The following ACOT11 variants were observed in gnomAD, a reference collection of about 807,000 sequenced individuals.
The protein encoded by ACOT11 is acyl-coenzyme A thioesterase 11.
ACOT11 carries 69 observed loss-of-function variants against 77.5 expected under a neutral mutation model. The ratio of observed to expected loss-of-function variants is 0.89; its 90% CI spans 0.73 to 1.09. ACOT11 has a LOEUF of 1.09. Among genes scored for constraint, ACOT11 ranks in the 50% least tolerant of loss-of-function variants. ACOT11 has a pLI of 0.00. For synonymous variants in ACOT11, 279 were observed against 313.0 expected (o/e 0.89, Z 1.15); for missense variants, 766 against 813.7 (o/e 0.94, Z 0.71).
chr1:54,618,786 G>T (rs751176195), intron 15 of ACOT11, among the ~76,000 whole-genome samples: 5 of 152,288 alleles, frequency 3.3e-5, no homozygotes, highest in Non-Finnish European at 7.3e-5. Flanking sequence ...GACACTGCTA[G>T]CTTCCAGTCC....
intron 1 of ACOT11, among the ~76,000 whole-genome samples, chr1:54,578,073 AGTCCTGT>A (rs1654176623): frequency 6.6e-6 from 1 of 152,168 alleles, no homozygotes; most frequent in Non-Finnish European, 1.5e-5. Flanking sequence ...GACACTTAGA[AGTCCTGT>A]GTCAATAGTG....
intron 16 of ACOT11, among the ~76,000 whole-genome samples, chr1:54,631,093 T>TC (rs975963593): frequency 3.3e-5 from 5 of 152,196 alleles, no homozygotes; most frequent in African/African-American, 4.8e-5. Context: ...CCCTTCTGCA[T>TC]CCCCTCATTA....
chr1:54,562,586 C>T (rs1259293412), intron 1 of ACOT11, among the ~76,000 whole-genome samples: 9 of 147,280 alleles, frequency 6.1e-5, no homozygotes, highest in African/African-American at 1.2e-4. Flanking sequence ...GGCTGCCGGG[C>T]GGAGAGGCTC....
intron 15 of ACOT11, among the ~76,000 whole-genome samples, chr1:54,625,689 G>A (rs1644267520): frequency 6.6e-6 from 1 of 152,176 alleles, no homozygotes; most frequent in African/African-American, 2.4e-5. Flanking sequence ...TGTAATCCCA[G>A]CACTTTGGGA....
At chr1:54,572,485 A>G (rs1406787095) in intron 1 of ACOT11, among the ~76,000 whole-genome samples, 1 of 151,690 alleles carries the variant, frequency 6.6e-6, no homozygotes, top group Non-Finnish European at 1.5e-5. Context: ...AGAATGGCCC[A>G]CCCCACCGTC....
intron 1 of ACOT11, among the ~76,000 whole-genome samples, chr1:54,554,351 A>T (rs11206384): frequency 0.11 from 10,539 of 96,804 alleles, 704 homozygotes; most frequent in East Asian, 0.19. Flanking sequence ...ATATATATAT[A>T]TTTTTTTTTT....
rs747114381 is a variant in ACOT11 at position 54,609,358 on chromosome 1, C to T, written c.*246C>T. On this transcript the variant is annotated 3_prime_UTR_variant, in exon 16 of 16. Coordinates refer to ENST00000343744, the MANE Select transcript of ACOT11 (RefSeq NM_147161.4). ...GGGTCCTGTCCACAGCCCTAGCTGC[C>T]AGCAATGCTGTCCTCACAGAGGCAT... The T allele has an allele frequency of 1.2e-6, 2 of 1,614,074 alleles. No homozygotes were observed. Among genetic ancestry groups the T allele is most frequent in the African/African-American group, 2.7e-5 (2 of 74,940 alleles).
intron 3 of ACOT11, among the ~76,000 whole-genome samples, chr1:54,589,700 T>C (rs1458499065): frequency 6.6e-6 from 1 of 152,184 alleles, no homozygotes; most frequent in Admixed American, 6.5e-5. Context: ...TTGACCAGGC[T>C]GGTCTCAAAT....
At chr1:54,610,950 A>G (rs1240823957), downstream of ACOT11, 2 of 985,296 alleles carry the variant, frequency 2.0e-6, no homozygotes, top group East Asian at 2.3e-4. Context: ...TGCTTAATGA[A>G]TACAGTGGAG....
At chr1:54,614,891 T>TGGC, downstream of ACOT11, 1 of 1,606,346 alleles carries the variant, frequency 6.2e-7, no homozygotes, top group Non-Finnish European at 8.5e-7. Flanking sequence ...CTTGGGGAAA[T>TGGC]GGCGAAGGAA....
intron 15 of ACOT11, chr1:54,623,173 G>A (rs1359589852): frequency 7.7e-5 from 58 of 749,120 alleles, no homozygotes; most frequent in Admixed American, 3.6e-4. Flanking sequence ...GCAAAACTCC[G>A]TCTAAAAAAA....
At chr1:54,568,358 C>CT (rs71045196) in intron 1 of ACOT11, among the ~76,000 whole-genome samples, 1,494 of 80,412 alleles carry the variant, frequency 0.019, 24 homozygotes, top group East Asian at 0.033. Context: ...TTCCCAGCAC[C>CT]TTTTTTTTTT....
chr1:54,566,114 T>G (rs913391857), intron 1 of ACOT11, among the ~76,000 whole-genome samples: 3 of 152,134 alleles, frequency 2.0e-5, no homozygotes, highest in Non-Finnish European at 4.4e-5. Context: ...ACTGACTGCT[T>G]GCTCGCAGAC....
chr1:54,553,845 GTAT>G (rs1348287534), intron 1 of ACOT11, among the ~76,000 whole-genome samples: 1 of 152,090 alleles, frequency 6.6e-6, no homozygotes, highest in Non-Finnish European at 1.5e-5. Context: ...AGGTCATGTA[GTAT>G]TTGTCTTTCT....
intron 15 of ACOT11, among the ~76,000 whole-genome samples, chr1:54,629,845 T>A (rs2101032847): frequency 7.4e-6 from 1 of 134,454 alleles, no homozygotes; most frequent in East Asian, 2.3e-4. Flanking sequence ...CTTCCCCAAA[T>A]GCTGGAATTA....
At chr1:54,580,310 G>C (rs300272) in intron 1 of ACOT11, among the ~76,000 whole-genome samples, 7 of 151,958 alleles carry the variant, frequency 4.6e-5, no homozygotes, top group African/African-American at 1.7e-4. Flanking sequence ...CACCAGGCCT[G>C]TTGCTCCAGT....
Position 54,607,314 on chromosome 1 carries a change from T to C in ACOT11, c.1502+49T>C, listed in dbSNP as rs1252975367. ...TGGGGGACACAACTGGACAGGGTGG[T>C]AGGGTGGCCGCTTCTCCCTCCCAGG... On this transcript the variant is annotated intron_variant, in intron 14 of 15. Transcript: ENST00000343744. This position sits in a 1 kb window ranked among gnomAD's most constrained non-coding sequence, Gnocchi z 4.5. 1 of 1,599,920 alleles carries C rather than the reference T, an allele frequency of 6.3e-7. No individual in the cohort carries two copies. Among genetic ancestry groups the C allele is most frequent in the Non-Finnish European group, 8.6e-7 (1 of 1,168,932 alleles).
chr1:54,572,514 G>T, intron 1 of ACOT11, among the ~76,000 whole-genome samples: 1 of 152,150 alleles, frequency 6.6e-6, no homozygotes, highest in East Asian at 1.9e-4. Context: ...TGGCATGGGG[G>T]TGACTGCCTG....
rs557772961 is a variant in ACOT11, at chr1:54,607,124, C to T, written c.1371-10C>T. ...CTTCCTGGGGCACTGAGATCCCGGC[C>T]TCCCCACAGGAGCGTGGAGCTAGTG... On this transcript the variant is annotated splice_polypyrimidine_tract_variant and intron_variant, in intron 13 of 15. Coordinates refer to ENST00000343744, the MANE Select transcript of ACOT11 (RefSeq NM_147161.4). The surrounding 1 kb of genome is among the most constrained non-coding windows in gnomAD (Gnocchi z 4.5). 2 of 1,613,962 alleles carry T rather than the reference C, an allele frequency of 1.2e-6. No homozygotes were observed. Among genetic ancestry groups the T allele is most frequent in the African/African-American group, 2.7e-5 (2 of 75,056 alleles).
Sources: gnomAD v4.1 joint callset for allele counts (sites outside exome capture counted in the v4.1 genomes callset) on GRCh38, gnomAD v4.1.1 for gene constraint, Gnocchi (gnomAD v3.1) non-coding constraint, MANE v1.5 for transcripts, NCBI Gene and HGNC (gene_info 2026-07-23, HGNC 2026-07-21) for gene names.